ABCB1: variants seen among roughly 807,000 people sequenced by gnomAD.
The protein encoded by ABCB1 is ATP binding cassette subfamily B member 1.
Under a neutral mutation model 142.0 loss-of-function variants are expected in ABCB1, and 69 were observed. The ratio of observed to expected loss-of-function variants is 0.49; its 90% CI spans 0.40 to 0.59. The LOEUF is 0.59. Ranked by LOEUF, ABCB1 falls within the 20% of genes least tolerant of loss-of-function variation. The pLI is 0.00. For missense variants in ABCB1, 1,326 were observed against 1,554.7 expected, an observed-to-expected ratio of 0.85 and a Z score of 2.47; for synonymous variants, 532 against 539.2, an observed-to-expected ratio of 0.99 and a Z score of 0.18.
intron 3 of ABCB1, among the ~76,000 whole-genome samples, chr7:87,587,732 G>A (rs567458549): frequency 5.9e-5 from 9 of 152,046 alleles, no homozygotes; most frequent in East Asian, 1.9e-4. Flanking sequence ...GAAATTAGCC[G>A]GATGTGGTGG....
chr7:87,588,605 C>T lies in ABCB1; in HGVS notation c.118-2925G>A, dbSNP rs1384961131. Among the ~76,000 whole-genome samples, 5 of 152,304 alleles carry T rather than the reference C, an allele frequency of 3.3e-5. No homozygotes were observed. The South Asian group carries it at 6.2e-4, about 19-fold the overall frequency. ...AATTGATGGCCATTTAGGTTGATTC[C>T]ATGTCTTTGCTATTGTGAATAGTGC... On this transcript the variant is annotated intron_variant, in intron 3 of 27. Transcript: ENST00000622132.
intron 1 of ABCB1, among the ~76,000 whole-genome samples, chr7:87,668,334 T>A (rs28746489): frequency 0.01 from 1,526 of 152,056 alleles, 12 homozygotes; most frequent in Admixed American, 0.017. Context: ...GTAGTAACAT[T>A]CCCTTTGTCA....
chr7:87,599,326 A>G (rs895399503), intron 2 of ABCB1, among the ~76,000 whole-genome samples: 18 of 152,240 alleles, frequency 1.2e-4, no homozygotes, highest in African/African-American at 4.3e-4. Flanking sequence ...TGATTACATT[A>G]CCAATATTAT....
At chr7:87,633,959 G>A (rs898966836) in intron 1 of ABCB1, among the ~76,000 whole-genome samples, 4 of 152,134 alleles carry the variant, frequency 2.6e-5, no homozygotes, top group South Asian at 4.1e-4. Flanking sequence ...CCGTGGCCCC[G>A]GCATCTGCTG....
At chr7:87,691,053 G>A (rs1406726670) in intron 1 of ABCB1, among the ~76,000 whole-genome samples, 1 of 152,004 alleles carries the variant, frequency 6.6e-6, no homozygotes, top group Non-Finnish European at 1.5e-5. Context: ...CAAAGAAATG[G>A]AAATGAATAG....
intron 4 of ABCB1, among the ~76,000 whole-genome samples, chr7:87,572,737 G>A (rs184121398): frequency 7.0e-4 from 107 of 152,320 alleles, no homozygotes; most frequent in South Asian, 1.2e-3. Flanking sequence ...ATGAGATCAT[G>A]TCCTTTGCAG....
chr7:87,531,442 C>T lies in ABCB1; in HGVS notation c.2537G>A (p.Gly846Glu), dbSNP rs773175021. The T allele has an allele frequency of 1.2e-6, 2 of 1,613,384 alleles. No individual in the cohort carries two copies. Among genetic ancestry groups the T allele is most frequent in the Admixed American group, 1.7e-5 (1 of 59,946 alleles). Residue 846 changes from glycine to glutamate, a missense_variant, in exon 21 of 28, where the codon GGA becomes GAA. Coordinates refer to ENST00000622132, the MANE Select transcript of ABCB1 (RefSeq NM_001348946.2). ...ITQNIANLGT[G>E]IIISFIYGWQ... ...ACCATAGATGAAGGATATAATTATT[C>T]CTGTCCCAAGATTTGCTATATTCTG...
chr7:87,639,379 A>G (rs1031857870), intron 1 of ABCB1, among the ~76,000 whole-genome samples: 3 of 152,216 alleles, frequency 2.0e-5, no homozygotes, highest in Non-Finnish European at 2.9e-5. Context: ...GTCATTGTTG[A>G]TTGCATGATT....
rs536305032 is a variant in ABCB1 at position 87,696,351 on chromosome 7, A to G, written c.-331+16810T>C. Reference sequence around the variant, plus strand: ...ATTTTTAAAGGCATGAGTAGCTTGTAACTTTGTTTTTAAATTTTCCTGTTA... The same window carrying G: ...ATTTTTAAAGGCATGAGTAGCTTGTGACTTTGTTTTTAAATTTTCCTGTTA... On this transcript the variant is annotated intron_variant, in intron 1 of 28. Coordinates refer to the ABCB1 transcript ENST00000265724. Among the ~76,000 whole-genome samples the G allele has an allele frequency of 3.3e-5, 5 of 152,248 alleles. No homozygotes were observed. In the South Asian group the frequency reaches 8.3e-4, roughly 25 times the overall value.
intron 1 of ABCB1, among the ~76,000 whole-genome samples, chr7:87,623,507 C>T (rs564443195): frequency 6.6e-6 from 1 of 152,230 alleles, no homozygotes; most frequent in Non-Finnish European, 1.5e-5. Flanking sequence ...TTAATGAGCA[C>T]GCTTCGCGCT....
At chr7:87,617,008 A>G (rs1327296992) in intron 1 of ABCB1, among the ~76,000 whole-genome samples, 1 of 152,128 alleles carries the variant, frequency 6.6e-6, no homozygotes, top group Non-Finnish European at 1.5e-5. Flanking sequence ...GGGAGGAGAG[A>G]TGAGCTCATG....
chr7:87,628,421 A>C, intron 1 of ABCB1: 1 of 159,404 alleles, frequency 6.3e-6, no homozygotes, highest in Non-Finnish European at 1.4e-5. Context: ...GGGCTGGGGC[A>C]CGAGTGGCTG....
intron 8 of ABCB1, among the ~76,000 whole-genome samples, chr7:87,556,446 C>A (rs1208913518): frequency 6.6e-6 from 1 of 152,216 alleles, no homozygotes; most frequent in Non-Finnish European, 1.5e-5. Flanking sequence ...TTCCCTCCTG[C>A]ACTGCTAATT....
intron 1 of ABCB1, among the ~76,000 whole-genome samples, chr7:87,695,399 G>C (rs1828413228): frequency 6.6e-6 from 1 of 151,996 alleles, no homozygotes; most frequent in African/African-American, 2.4e-5. Flanking sequence ...TAAGAAACTT[G>C]GGATTGCTGC....
intron 14 of ABCB1, 129 bp from the exon 15 acceptor site, chr7:87,546,153 C>T (rs1023115885): frequency 2.4e-5 from 20 of 839,468 alleles, no homozygotes; most frequent in Non-Finnish European, 3.9e-5. Flanking sequence ...AAGATAGCCT[C>T]TGACTTCAAT....
intron 1 of ABCB1, among the ~76,000 whole-genome samples, chr7:87,645,268 G>A (rs910562859): frequency 6.6e-6 from 1 of 152,012 alleles, no homozygotes; most frequent in Admixed American, 6.6e-5. Flanking sequence ...ATTTTTAGTA[G>A]AGATGGGGTT....
intron 1 of ABCB1, among the ~76,000 whole-genome samples, chr7:87,635,260 C>T (rs1821646502): frequency 6.6e-6 from 1 of 152,102 alleles, no homozygotes. Flanking sequence ...ACTGCTTTTA[C>T]CCAGTTGTAT....
At chr7:87,636,081 T>C (rs1172598067) in intron 1 of ABCB1, among the ~76,000 whole-genome samples, 1 of 152,224 alleles carries the variant, frequency 6.6e-6, no homozygotes, top group Non-Finnish European at 1.5e-5. Flanking sequence ...ATGTACATTT[T>C]TCTGTCTGAT....
chr7:87,527,506 A>G (rs916282466), intron 21 of ABCB1, among the ~76,000 whole-genome samples: 3 of 152,136 alleles, frequency 2.0e-5, no homozygotes, highest in Non-Finnish European at 4.4e-5. Flanking sequence ...CCTCACATCT[A>G]TAGTATGTAT....
Sources: allele counts gnomAD v4.1 joint callset (sites outside exome capture counted in the v4.1 genomes callset), GRCh38; gene constraint gnomAD v4.1.1; transcripts MANE v1.5; gene names NCBI Gene and HGNC (gene_info 2026-07-23, HGNC 2026-07-21).